MTRF1: variants seen among roughly 807,000 people sequenced by gnomAD.
MTRF1 encodes peptide chain release factor 1, mitochondrial.
In MTRF1, 51 loss-of-function variants were observed where a neutral mutation model predicts 62.9. The observed-to-expected ratio is 0.81, with a 90% CI of 0.65 to 1.02. The LOEUF (loss-of-function observed/expected upper bound fraction) is 1.02. MTRF1 is among the 50% of genes least tolerant of loss of function. MTRF1 has a pLI of 0.00. For missense variants in MTRF1, 446 were observed against 530.0 expected (o/e 0.84, Z 1.56); for synonymous variants, 158 against 181.9 (o/e 0.87, Z 1.06).
chr13:41,250,463 A>G (rs1431654309), intron 5 of MTRF1, among the ~76,000 whole-genome samples: 19 of 152,020 alleles, frequency 1.2e-4, no homozygotes. Flanking sequence ...GTCTCACCAA[A>G]GATCTGGTTA....
At chr13:41,281,713 G>T in the MTRF1 span, among the ~76,000 whole-genome samples, 1 of 152,196 alleles carries the variant, frequency 6.6e-6, no homozygotes, top group East Asian at 1.9e-4. Context: ...TGGCCACTTT[G>T]TAACAGTACT....
chr13:41,226,067 T>C (rs1006646854), intron 8 of MTRF1, among the ~76,000 whole-genome samples: 2 of 152,160 alleles, frequency 1.3e-5, no homozygotes, highest in East Asian at 1.9e-4. Context: ...TGATCTCACA[T>C]AGAGTTATAG....
At chr13:41,223,438 T>G (rs1193436487) in intron 8 of MTRF1, 84 bp from the exon 9 acceptor site, 6 of 1,061,066 alleles carry the variant, frequency 5.7e-6, no homozygotes, top group Non-Finnish European at 7.1e-6. Context: ...AAATGACCAT[T>G]TCAACAATTT....
the MTRF1 span, among the ~76,000 whole-genome samples, chr13:41,281,003 AT>A: frequency 5.3e-5 from 8 of 152,226 alleles, no homozygotes; most frequent in African/African-American, 1.9e-4. Flanking sequence ...AACTACAATC[AT>A]TATAGCAGTA....
the MTRF1 span, among the ~76,000 whole-genome samples, chr13:41,282,763 A>G: frequency 6.6e-6 from 1 of 152,190 alleles, no homozygotes; most frequent in Non-Finnish European, 1.5e-5. Context: ...TCACCTGCCA[A>G]ATCTGGAAGG....
the MTRF1 span, among the ~76,000 whole-genome samples, chr13:41,283,901 T>C: frequency 1.3e-5 from 2 of 152,120 alleles, no homozygotes; most frequent in Admixed American, 1.3e-4. Context: ...TTGTTCCCGT[T>C]TAGCATGTTC....
At chr13:41,220,682 GTTCT>G in intron 9 of MTRF1, 2 of 964,802 alleles carry the variant, frequency 2.1e-6, no homozygotes, top group Non-Finnish European at 2.9e-6. Flanking sequence ...TATCATCAGG[GTTCT>G]TTCTGTCTAT....
At chr13:41,286,088 C>CA in the MTRF1 span, among the ~76,000 whole-genome samples, 11,482 of 109,964 alleles carry the variant, frequency 0.1, 672 homozygotes, top group East Asian at 0.21. Flanking sequence ...ACAACAACAA[C>CA]AAAAAAAAAA....
intron 9 of MTRF1, among the ~76,000 whole-genome samples, chr13:41,219,895 G>A (rs2032857157): frequency 6.6e-6 from 1 of 150,860 alleles, no homozygotes; most frequent in South Asian, 2.1e-4. Context: ...CTATTCCAGA[G>A]GCTGAGGCAG....
intron 2 of MTRF1, among the ~76,000 whole-genome samples, chr13:41,257,351 C>T (rs1300281050): frequency 6.6e-6 from 1 of 152,116 alleles, no homozygotes; most frequent in Non-Finnish European, 1.5e-5. Flanking sequence ...TGATTGCAAT[C>T]AGCTAAGTCA....
chr13:41,277,298 T>C, the MTRF1 span, among the ~76,000 whole-genome samples: 4 of 151,550 alleles, frequency 2.6e-5, no homozygotes, highest in Non-Finnish European at 5.9e-5. Flanking sequence ...CACCCAGCTA[T>C]TTTTTTTATT....
intron 5 of MTRF1, among the ~76,000 whole-genome samples, chr13:41,245,292 G>A (rs1417034426): frequency 6.6e-6 from 1 of 150,712 alleles, no homozygotes; most frequent in Non-Finnish European, 1.5e-5. Context: ...CCTCTAGGCT[G>A]GAGTGCAGTG....
chr13:41,241,045 T>G (rs2037419082), intron 5 of MTRF1, among the ~76,000 whole-genome samples: 1 of 152,094 alleles, frequency 6.6e-6, no homozygotes, highest in Non-Finnish European at 1.5e-5. Flanking sequence ...GCTAGCTTGT[T>G]CTTTTTTTGT....
intron 5 of MTRF1, among the ~76,000 whole-genome samples, chr13:41,246,995 G>A (rs761635892): frequency 5.3e-5 from 8 of 152,198 alleles, no homozygotes; most frequent in African/African-American, 7.2e-5. Context: ...CTACAGCACC[G>A]CACACCTGAA....
chr13:41,277,321 G>A, the MTRF1 span, among the ~76,000 whole-genome samples: 2 of 151,958 alleles, frequency 1.3e-5, no homozygotes, highest in East Asian at 3.9e-4. Context: ...TAGTAGAGAT[G>A]GAGTTTCACC....
the MTRF1 span, among the ~76,000 whole-genome samples, chr13:41,285,166 A>G: frequency 6.6e-6 from 1 of 152,168 alleles, no homozygotes; most frequent in Admixed American, 6.5e-5. Context: ...TTTAGCTTAT[A>G]TGTTGCAATC....
chr13:41,228,249 G>T (rs1413845643), intron 7 of MTRF1, among the ~76,000 whole-genome samples: 1 of 152,132 alleles, frequency 6.6e-6, no homozygotes, highest in Non-Finnish European at 1.5e-5. Context: ...AATAGAAGAT[G>T]TAGAGGGAGG....
chr13:41,310,296 C>T, the MTRF1 span, among the ~76,000 whole-genome samples: 2 of 152,154 alleles, frequency 1.3e-5, no homozygotes, highest in South Asian at 2.1e-4. Flanking sequence ...GCCTGTTTCT[C>T]CCATTATTAT....
At chr13:41,277,129 CTTTTT>C in the MTRF1 span, among the ~76,000 whole-genome samples, 1 of 142,070 alleles carries the variant, frequency 7.0e-6, no homozygotes. Flanking sequence ...ATCAATTAAA[CTTTTT>C]TTTTTTTTTT....
Sources: allele counts gnomAD v4.1 joint callset (sites outside exome capture counted in the v4.1 genomes callset), GRCh38; gene constraint gnomAD v4.1.1; transcripts MANE v1.5; gene names NCBI Gene and HGNC (gene_info 2026-07-23, HGNC 2026-07-21).